The following CDH12 variants were observed in gnomAD, a reference collection of about 807,000 sequenced individuals.
The protein encoded by CDH12 is cadherin 12.
CDH12 carries 41 observed loss-of-function variants against 74.1 expected under a neutral mutation model. That is an observed-to-expected ratio of 0.55 (90% confidence interval 0.43 to 0.72). CDH12 has a LOEUF of 0.72. Among genes scored for constraint, CDH12 ranks in the 30% least tolerant of loss-of-function variants. CDH12 has a pLI of 0.00. For missense variants in CDH12, 945 were observed against 977.2 expected (o/e 0.97, Z 0.44); for synonymous variants, 399 against 355.0 (o/e 1.12, Z -1.39).
chr5:21,981,825 T>A (rs1417749555), intron 5 of CDH12, among the ~76,000 whole-genome samples: 1 of 152,082 alleles, frequency 6.6e-6, no homozygotes, highest in Non-Finnish European at 1.5e-5. Context: ...CAGACTACCA[T>A]GCTTAGCTAA....
chr5:22,296,105 G>GA lies in CDH12; in HGVS notation c.-332-83463dup, dbSNP rs144231472. Among the ~76,000 whole-genome samples, 1,110 of 151,326 alleles carry GA rather than the reference G, an allele frequency of 7.3e-3. 15 individuals carry two copies. The highest frequency in any genetic ancestry group is 0.026 in the African/African-American group (1,070 of 41,352). On this transcript the variant is annotated intron_variant, in intron 3 of 14. Transcript: ENST00000382254. ...ATAGGAGAAAAATAATGCTTAAAGGGAAAAAAATATACAACACTGGTATAT... is the reference window on the plus strand; with the variant it reads ...ATAGGAGAAAAATAATGCTTAAAGGGAAAAAAAATATACAACACTGGTATAT...
intron 1 of CDH12, among the ~76,000 whole-genome samples, chr5:22,825,281 A>T (rs941254648): frequency 6.8e-6 from 1 of 146,464 alleles, no homozygotes; most frequent in Non-Finnish European, 1.5e-5. Flanking sequence ...CACATATATA[A>T]TTTTTTAGAA....
chr5:22,551,700 A>G (rs1366433869), intron 1 of CDH12, among the ~76,000 whole-genome samples: 1 of 151,926 alleles, frequency 6.6e-6, no homozygotes, highest in Non-Finnish European at 1.5e-5. Context: ...TTAAATGCCT[A>G]TGGAAAAAAG....
At chr5:22,511,931 GAT>G (rs1491314727) in intron 1 of CDH12, among the ~76,000 whole-genome samples, 1 of 142,884 alleles carries the variant, frequency 7.0e-6, no homozygotes, top group African/African-American at 2.7e-5. Flanking sequence ...TTGTAACTAT[GAT>G]TGTGTGTGTG....
At chr5:22,242,361 G>A (rs777536521) in intron 3 of CDH12, among the ~76,000 whole-genome samples, 5 of 151,926 alleles carry the variant, frequency 3.3e-5, no homozygotes, top group South Asian at 2.1e-4. Flanking sequence ...TATATTTTTC[G>A]TTTTTTTCAT....
intron 2 of CDH12, among the ~76,000 whole-genome samples, chr5:22,500,496 C>T (rs929354013): frequency 3.9e-5 from 6 of 152,118 alleles, no homozygotes; most frequent in Admixed American, 3.3e-4. Flanking sequence ...TATAATTTGA[C>T]TCCACTTTTA....
chr5:21,989,624 T>C (rs1251035809), intron 5 of CDH12, among the ~76,000 whole-genome samples: 3 of 152,192 alleles, frequency 2.0e-5, no homozygotes, highest in East Asian at 1.9e-4. Context: ...CAAAAGAATA[T>C]GTTAAAAATG....
chr5:22,549,127 T>G (rs970146320), intron 1 of CDH12, among the ~76,000 whole-genome samples: 6 of 93,238 alleles, frequency 6.4e-5, no homozygotes, highest in African/African-American at 9.9e-5. Flanking sequence ...TGTTTATTTG[T>G]TTTTTTTTTG....
At chr5:22,271,070 G>C (rs572892282) in intron 3 of CDH12, among the ~76,000 whole-genome samples, 1 of 152,104 alleles carries the variant, frequency 6.6e-6, no homozygotes, top group Admixed American at 6.6e-5. Context: ...TTTATCTGTG[G>C]GTTTCTCTGT....
rs773221539 is a variant in CDH12 at position 22,543,930 on chromosome 5, G to A, written c.-522-38566C>T. Among the ~76,000 whole-genome samples the A allele has an allele frequency of 4.9e-4, 74 of 151,068 alleles. 1 individual carries two copies. The highest frequency in any genetic ancestry group is 1.3e-4 in the Non-Finnish European group (9 of 67,880). ...TTTTTTTTTTTCACAAGTAGCTCCT[G>A]ATGTGCCTAACAGTGCCGTGGACAA... On this transcript the variant is annotated intron_variant, in intron 1 of 14. Coordinates refer to ENST00000382254, the MANE Select transcript of CDH12 (RefSeq NM_004061.5).
At chr5:22,840,383 A>G (rs1262461359) in intron 1 of CDH12, among the ~76,000 whole-genome samples, 1 of 152,084 alleles carries the variant, frequency 6.6e-6, no homozygotes, top group African/African-American at 2.4e-5. Flanking sequence ...TGGACTCCCA[A>G]AGTGCTGGGA....
intron 4 of CDH12, among the ~76,000 whole-genome samples, chr5:22,133,967 C>G (rs1746319801): frequency 6.6e-6 from 1 of 151,986 alleles, no homozygotes; most frequent in Admixed American, 6.6e-5. Flanking sequence ...TACCACTGAT[C>G]AAGTAGCCAT....
At chr5:22,817,628 A>C (rs1246107007) in intron 1 of CDH12, among the ~76,000 whole-genome samples, 1 of 152,176 alleles carries the variant, frequency 6.6e-6, no homozygotes, top group Non-Finnish European at 1.5e-5. Flanking sequence ...CTCTATTCAA[A>C]AATCTATCCA....
intron 3 of CDH12, among the ~76,000 whole-genome samples, chr5:22,367,235 G>A (rs1319087601): frequency 6.6e-6 from 1 of 152,010 alleles, no homozygotes. Flanking sequence ...GTGATCTAAT[G>A]GAACTCATTC....
intron 1 of CDH12, among the ~76,000 whole-genome samples, chr5:22,726,607 T>C (rs1025637433): frequency 2.6e-5 from 4 of 151,850 alleles, no homozygotes; most frequent in African/African-American, 9.7e-5. Flanking sequence ...TTGCTTCACA[T>C]TCCAGGCAGC....
chr5:22,215,493 T>C (rs1360290025), intron 3 of CDH12, among the ~76,000 whole-genome samples: 1 of 152,108 alleles, frequency 6.6e-6, no homozygotes, highest in Non-Finnish European at 1.5e-5. Context: ...AGCTTCCAAA[T>C]ATATAATTCC....
At chr5:22,321,337 CTT>C (rs1172582074) in intron 3 of CDH12, among the ~76,000 whole-genome samples, 4 of 148,296 alleles carry the variant, frequency 2.7e-5, no homozygotes, top group African/African-American at 1.0e-4. Context: ...AGTTCACGTC[CTT>C]TGTAGGGACA....
intron 3 of CDH12, among the ~76,000 whole-genome samples, chr5:22,287,595 C>T (rs940517944): frequency 6.6e-5 from 10 of 151,550 alleles, no homozygotes; most frequent in Middle Eastern, 3.4e-3. Context: ...CGGTGGCGGG[C>T]GCCTGTAGTC....
intron 4 of CDH12, among the ~76,000 whole-genome samples, chr5:22,092,396 TA>T (rs1025107925): frequency 1.3e-5 from 2 of 152,112 alleles, no homozygotes; most frequent in Non-Finnish European, 2.9e-5. Context: ...CTCAAATATA[TA>T]AAGACCATTT....
Sources: allele counts gnomAD v4.1 joint callset (sites outside exome capture counted in the v4.1 genomes callset), GRCh38; gene constraint gnomAD v4.1.1; transcripts MANE v1.5; gene names NCBI Gene and HGNC (gene_info 2026-07-23, HGNC 2026-07-21).